The following GPC5 variants were observed in gnomAD, a reference collection of about 807,000 sequenced individuals.
The protein encoded by GPC5 is glypican 5.
Under a neutral mutation model 53.9 loss-of-function variants are expected in GPC5, and 47 were observed. The observed-to-expected ratio is 0.87, with a 90% CI of 0.69 to 1.11. The LOEUF (loss-of-function observed/expected upper bound fraction) is 1.11. GPC5 is among the 50% of genes most tolerant of loss of function. The pLI is 0.00. For synonymous variants in GPC5, 286 were observed against 263.3 expected (o/e 1.09, Z -0.84); for missense variants, 748 against 713.1 (o/e 1.05, Z -0.56).
chr13:92,531,922 CA>C (rs1881579152), intron 7 of GPC5, among the ~76,000 whole-genome samples: 1 of 152,140 alleles, frequency 6.6e-6, no homozygotes, highest in African/African-American at 2.4e-5. Flanking sequence ...TAAAAGTAAT[CA>C]AATTTGGACA....
chr13:92,225,976 C>T (rs938710031), intron 7 of GPC5, among the ~76,000 whole-genome samples: 4 of 152,122 alleles, frequency 2.6e-5, no homozygotes, highest in South Asian at 2.1e-4. Context: ...ATTCTAAACC[C>T]CACTTGTCAG....
At chr13:91,905,117 G>A (rs1312312502) in intron 5 of GPC5, among the ~76,000 whole-genome samples, 1 of 152,048 alleles carries the variant, frequency 6.6e-6, no homozygotes, top group Non-Finnish European at 1.5e-5. Flanking sequence ...GTAAAGCAAT[G>A]CCTAAATCAT....
At chr13:92,410,010 A>C (rs1418475176) in intron 7 of GPC5, among the ~76,000 whole-genome samples, 2 of 152,200 alleles carry the variant, frequency 1.3e-5, no homozygotes, top group East Asian at 3.9e-4. Context: ...AAGTATGAAG[A>C]GTGGTTTTCC....
At chr13:91,747,641 G>GTT (rs3837547) in intron 4 of GPC5, among the ~76,000 whole-genome samples, 92,192 of 149,230 alleles carry the variant, frequency 0.62, 28,827 homozygotes, top group South Asian at 0.75. Flanking sequence ...GATGTATCTG[G>GTT]TTTTTTTTTT....
intron 7 of GPC5, among the ~76,000 whole-genome samples, chr13:92,827,850 A>ACTGGGAGTGCCAGGAGCCT (rs1877904909): frequency 6.6e-6 from 1 of 152,092 alleles, no homozygotes; most frequent in Non-Finnish European, 1.5e-5. Flanking sequence ...GTTGGAGTCA[A>ACTGGGAGTGCCAGGAGCCT]CTGGGAGTGC....
At chr13:92,784,003 T>C (rs1426313464) in intron 7 of GPC5, among the ~76,000 whole-genome samples, 1 of 152,162 alleles carries the variant, frequency 6.6e-6, no homozygotes, top group African/African-American at 2.4e-5. Context: ...TGGTATCAGA[T>C]CCCTAATAGT....
intron 7 of GPC5, among the ~76,000 whole-genome samples, chr13:92,214,505 C>T (rs1241021215): frequency 6.6e-6 from 1 of 152,102 alleles, no homozygotes; most frequent in Admixed American, 6.5e-5. Flanking sequence ...TTTAAGCCTT[C>T]AGATACTATT....
intron 2 of GPC5, among the ~76,000 whole-genome samples, chr13:91,493,786 T>C (rs1179375665): frequency 1.3e-5 from 2 of 152,180 alleles, no homozygotes; most frequent in Non-Finnish European, 2.9e-5. Flanking sequence ...GTTCCTATTT[T>C]ACATAGAGAA....
chr13:91,759,332 G>A (rs2037361284), intron 5 of GPC5, among the ~76,000 whole-genome samples: 1 of 151,932 alleles, frequency 6.6e-6, no homozygotes, highest in African/African-American at 2.4e-5. Flanking sequence ...CAGGGTAAAT[G>A]AGGTACCCAT....
intron 7 of GPC5, among the ~76,000 whole-genome samples, chr13:92,357,874 T>A (rs979181783): frequency 6.6e-6 from 1 of 150,462 alleles, no homozygotes; most frequent in South Asian, 2.1e-4. Flanking sequence ...ACATGAGATA[T>A]GGGGGGGGAC....
chr13:92,757,483 G>GT lies in GPC5; in HGVS notation c.1562-108799_1562-108798insT, dbSNP rs1280637343. On this transcript the variant is annotated intron_variant, in intron 7 of 7. Transcript: ENST00000377067. ...AACAGAAGCCAAAATTGACAAATGG[G>GT]ATCTAATTAAACTAAAGAGCTTCTG... 2.0e-5 allele frequency among the ~76,000 whole-genome samples: 3 copies of GT among 152,246 alleles called. No homozygotes were observed. The East Asian group carries it at 5.8e-4, about 29-fold the overall frequency.
At chr13:91,551,538 G>T (rs2138826572) in intron 2 of GPC5, among the ~76,000 whole-genome samples, 1 of 152,174 alleles carries the variant, frequency 6.6e-6, no homozygotes, top group East Asian at 1.9e-4. Context: ...GTATGTCAGG[G>T]ATTGATGTGA....
At chr13:91,549,969 A>G (rs976863591) in intron 2 of GPC5, among the ~76,000 whole-genome samples, 40 of 152,312 alleles carry the variant, frequency 2.6e-4, no homozygotes, top group African/African-American at 9.4e-4. Flanking sequence ...TTTATAGCAG[A>G]TTTATTTACA....
chr13:92,399,430 T>C (rs1416744927), intron 7 of GPC5, among the ~76,000 whole-genome samples: 2 of 152,122 alleles, frequency 1.3e-5, no homozygotes, highest in Admixed American at 6.6e-5. Context: ...CTTTAGACAT[T>C]ATTTCACCCA....
At chr13:91,733,416 A>T (rs1192197446) in intron 4 of GPC5, among the ~76,000 whole-genome samples, 1 of 152,222 alleles carries the variant, frequency 6.6e-6, no homozygotes, top group Non-Finnish European at 1.5e-5. Flanking sequence ...TACAGGCGTC[A>T]GCCACCGGGC....
chr13:91,966,556 T>C lies in GPC5; in HGVS notation c.1401+58499T>C, dbSNP rs536008176. Among the ~76,000 whole-genome samples, 168 of 152,348 alleles carry C rather than the reference T, an allele frequency of 1.1e-3. 2 individuals are homozygous for C. The highest frequency in any genetic ancestry group is 3.8e-3 in the African/African-American group (160 of 41,586). ...CTGTATCATGTTTATGTGTAGGATA[T>C]GTTTGCTTCAAAATATTTCCTTGCA... On this transcript the variant is annotated intron_variant, in intron 6 of 7. Coordinates refer to ENST00000377067, the MANE Select transcript of GPC5 (RefSeq NM_004466.6).
chr13:91,676,868 C>T (rs546076036), intron 2 of GPC5, among the ~76,000 whole-genome samples: 13 of 152,086 alleles, frequency 8.5e-5, no homozygotes, highest in African/African-American at 2.7e-4. Flanking sequence ...CTTAACCTTA[C>T]GAGGATTAGG....
intron 6 of GPC5, among the ~76,000 whole-genome samples, chr13:92,127,329 G>GTATA (rs148856447): frequency 2.0e-5 from 3 of 149,542 alleles, no homozygotes; most frequent in African/African-American, 5.0e-5. Context: ...ATGTGTATGT[G>GTATA]TATATATATA....
At chr13:92,833,532 C>A (rs1878121338) in intron 7 of GPC5, among the ~76,000 whole-genome samples, 1 of 152,092 alleles carries the variant, frequency 6.6e-6, no homozygotes, top group Admixed American at 6.6e-5. Context: ...TGATGTTTTT[C>A]TTTATCCTCT....
Sources: allele counts gnomAD v4.1 joint callset (sites outside exome capture counted in the v4.1 genomes callset), GRCh38; gene constraint gnomAD v4.1.1; transcripts MANE v1.5; gene names NCBI Gene and HGNC (gene_info 2026-07-23, HGNC 2026-07-21).